The following FAM78B variants were observed in gnomAD, a reference collection of about 807,000 sequenced individuals.
The protein encoded by FAM78B is protein FAM78B.
Under a neutral mutation model 20.0 loss-of-function variants are expected in FAM78B, and 10 were observed. That is an observed-to-expected ratio of 0.50 (90% confidence interval 0.31 to 0.85). FAM78B has a LOEUF of 0.85. Ranked by LOEUF, FAM78B falls within the 40% of genes least tolerant of loss-of-function variation. The probability of loss-of-function intolerance (pLI) is 0.05; values close to 1 mark genes in which losing one functional copy is unlikely to be tolerated. For synonymous variants in FAM78B, 135 were observed against 132.8 expected, an observed-to-expected ratio of 1.02 and a Z score of -0.12; for missense variants, 283 against 345.0, an observed-to-expected ratio of 0.82 and a Z score of 1.42.
chr1:166,145,390 T>C (rs1240509561), intron 1 of FAM78B, among the ~76,000 whole-genome samples: 1 of 152,208 alleles, frequency 6.6e-6, no homozygotes, highest in African/African-American at 2.4e-5. Context: ...CCAGGGTGCA[T>C]TAGGGCATCC....
chr1:166,091,450 C>T (rs1653069551), intron 1 of FAM78B, among the ~76,000 whole-genome samples: 1 of 152,196 alleles, frequency 6.6e-6, no homozygotes, highest in Non-Finnish European at 1.5e-5. Flanking sequence ...CCTGCACAAG[C>T]TCTTTTTGCC....
At chr1:166,118,617 A>G (rs6671065) in intron 1 of FAM78B, among the ~76,000 whole-genome samples, 151,271 of 152,216 alleles carry the variant, frequency 0.99, 75,169 homozygotes, top group Middle Eastern at 1. Context: ...GACTGTTTTC[A>G]GGCTATCACG....
intron 1 of FAM78B, among the ~76,000 whole-genome samples, chr1:166,146,668 G>A (rs565811651): frequency 2.0e-5 from 3 of 152,254 alleles, no homozygotes; most frequent in Admixed American, 1.3e-4. Flanking sequence ...GGTCAAGGGC[G>A]GCACATTAAG....
At chr1:166,143,296 G>T (rs961660107) in intron 1 of FAM78B, among the ~76,000 whole-genome samples, 7 of 152,098 alleles carry the variant, frequency 4.6e-5, no homozygotes, top group Non-Finnish European at 1.0e-4. Flanking sequence ...GTGTCTTCTA[G>T]GAGAGGAGAG....
intron 1 of FAM78B, among the ~76,000 whole-genome samples, chr1:166,083,981 C>T (rs4311864): frequency 1 from 151,981 of 152,000 alleles, 75,981 homozygotes; most frequent in Non-Finnish European, 1. Flanking sequence ...CCTCCCTTTA[C>T]GCAAGTAAGA....
At chr1:166,115,368 C>A (rs1654214818) in intron 1 of FAM78B, among the ~76,000 whole-genome samples, 1 of 152,206 alleles carries the variant, frequency 6.6e-6, no homozygotes, top group African/African-American at 2.4e-5. Context: ...TATCTGGAGG[C>A]AGAGTGTTCC....
At chr1:166,102,425 G>T (rs977624811) in intron 1 of FAM78B, among the ~76,000 whole-genome samples, 8 of 152,184 alleles carry the variant, frequency 5.3e-5, no homozygotes, top group African/African-American at 1.9e-4. Context: ...ATTGGATAAA[G>T]AGTCAAGACC....
chr1:166,083,805 T>A (rs1421081942), intron 1 of FAM78B, among the ~76,000 whole-genome samples: 2 of 147,016 alleles, frequency 1.4e-5, no homozygotes, highest in Admixed American at 1.4e-4. Flanking sequence ...CCAGCTTTTT[T>A]TTTTTTTTTT....
intron 1 of FAM78B, among the ~76,000 whole-genome samples, chr1:166,132,364 C>T (rs758146802): frequency 3.9e-5 from 6 of 152,104 alleles, no homozygotes; most frequent in Non-Finnish European, 8.8e-5. Flanking sequence ...TGCGATTTAA[C>T]GGTGTGATCC....
intron 1 of FAM78B, among the ~76,000 whole-genome samples, chr1:166,154,231 G>T (rs1488279018): frequency 6.6e-6 from 1 of 152,174 alleles, no homozygotes. Flanking sequence ...GCCTGTGTGT[G>T]GGTAGGGGCC....
chr1:166,133,592 G>T (rs1654957383), intron 1 of FAM78B, among the ~76,000 whole-genome samples: 1 of 93,308 alleles, frequency 1.1e-5, no homozygotes, highest in Non-Finnish European at 2.2e-5. Context: ...CTGTAAAGTT[G>T]AGCAATCTTA....
chr1:166,085,933 A>T (rs1175785627), intron 1 of FAM78B, among the ~76,000 whole-genome samples: 1 of 152,244 alleles, frequency 6.6e-6, no homozygotes, highest in Non-Finnish European at 1.5e-5. Context: ...AGATCAAGAC[A>T]GGCTAGAGGC....
At chr1:166,079,984 T>C (rs1405031108) in intron 1 of FAM78B, among the ~76,000 whole-genome samples, 1 of 152,164 alleles carries the variant, frequency 6.6e-6, no homozygotes, top group Non-Finnish European at 1.5e-5. Context: ...AAAGCACCCT[T>C]ACAATCAGTG....
At chr1:166,158,047 C>T (rs1320485631) in intron 1 of FAM78B, among the ~76,000 whole-genome samples, 1 of 152,198 alleles carries the variant, frequency 6.6e-6, no homozygotes, top group Non-Finnish European at 1.5e-5. Context: ...ACTCTGTTTC[C>T]AAAGGAGTGA....
intron 1 of FAM78B, among the ~76,000 whole-genome samples, chr1:166,160,954 T>C (rs1448709524): frequency 6.6e-6 from 1 of 152,198 alleles, no homozygotes; most frequent in African/African-American, 2.4e-5. Flanking sequence ...AGATCAGGGA[T>C]AGCCTCTCAG....
chr1:166,166,347 C>A lies in FAM78B; in HGVS notation c.-99G>T. 1 of 1,005,648 alleles carries A rather than the reference C, an allele frequency of 9.9e-7. No individual in the cohort carries two copies. Among genetic ancestry groups the A allele is most frequent in the South Asian group, 4.7e-5 (1 of 21,488 alleles). The allele number at this position is 1,005,648 out of a possible 1,614,324, so 62.3% of individuals were successfully genotyped here. On this transcript the variant is annotated 5_prime_UTR_variant, in exon 1 of 2. An upstream open reading frame in the 5' UTR gains an earlier in-frame stop. Coordinates refer to ENST00000354422, the MANE Select transcript of FAM78B (RefSeq NM_001017961.5). ...CACGCCGGCATGGCGACGCGCCGCT[C>A]GCTCCCGGTCAGACTCAGCTCGCAC...
chr1:166,119,774 C>T (rs6698973), intron 1 of FAM78B, among the ~76,000 whole-genome samples: 91,869 of 152,134 alleles, frequency 0.6, 29,419 homozygotes, highest in Non-Finnish European at 0.73. Context: ...ATAAAGGACG[C>T]GTGTCGTAAG....
chr1:166,142,106 T>C (rs1655302539), intron 1 of FAM78B, among the ~76,000 whole-genome samples: 1 of 152,102 alleles, frequency 6.6e-6, no homozygotes, highest in Admixed American at 6.5e-5. Context: ...CTGCTCTGAC[T>C]TGGGACAGTC....
At chr1:166,124,768 G>A (rs1053908327) in intron 1 of FAM78B, among the ~76,000 whole-genome samples, 6 of 152,200 alleles carry the variant, frequency 3.9e-5, no homozygotes, top group South Asian at 4.1e-4. Flanking sequence ...CCTCTGTTGG[G>A]CAGCAGCAGG....
Sources: gnomAD v4.1 joint callset for allele counts (sites outside exome capture counted in the v4.1 genomes callset) on GRCh38, gnomAD v4.1.1 for gene constraint, MANE v1.5 for transcripts, NCBI Gene and HGNC (gene_info 2026-07-23, HGNC 2026-07-21) for gene names.